PRKCH: variants seen among roughly 807,000 people sequenced by gnomAD.
The protein encoded by PRKCH is protein kinase C eta.
A neutral mutation model predicts 82.5 loss-of-function variants in PRKCH; 28 were observed. The ratio of observed to expected loss-of-function variants is 0.34; its 90% CI spans 0.25 to 0.47. PRKCH has a LOEUF of 0.47. Ranked by LOEUF, PRKCH falls within the 20% of genes least tolerant of loss-of-function variation. PRKCH has a pLI of 1.00. For synonymous variants in PRKCH, 322 were observed against 327.4 expected (o/e 0.98, Z 0.18); for missense variants, 705 against 881.8 (o/e 0.80, Z 2.54).
intron 1 of PRKCH, among the ~76,000 whole-genome samples, chr14:61,248,123 C>G (rs995543990): frequency 6.6e-6 from 1 of 151,940 alleles, no homozygotes; most frequent in East Asian, 1.9e-4. Context: ...GAGTTATATC[C>G]CCTGACCACA....
rs748549094 is a variant in PRKCH at position 61,322,205 on chromosome 14, A to G, written c.104A>G (p.Lys35Arg). 1 of 1,613,186 alleles carries G rather than the reference A, an allele frequency of 6.2e-7. No individual in the cohort carries two copies. The highest frequency in any genetic ancestry group is 8.5e-7 in the Non-Finnish European group (1 of 1,179,736). The change falls in exon 1 of 14, where the codon AAG (lysine) becomes AGG (arginine). Residue 35 changes from lysine to arginine, a missense_variant. Physicochemically the swap from Lys to Arg is conservative, Grantham distance 26. This residue lies in a region of PRKCH where 246 missense variants were observed against 308.0 expected (regional missense o/e 0.80). Transcript: ENST00000332981. The stretch of plus-strand genomic sequence containing the variant: ...TGGTCCCTGCGCCACTCGCTCTTCA[A>G]GAAGGGCCACCAGCTGCTGGACCCC... ...TRWSLRHSLF[K>R]KGHQLLDPYL... is the part of the protein sequence containing the mutation.
In PRKCH at chr14:61,440,944, A is replaced by T. The variant is rs896509762; in HGVS notation, c.428-2167A>T. 1.3e-4 allele frequency among the ~76,000 whole-genome samples: 20 copies of T among 151,392 alleles called. 1 individual carries two copies. The highest frequency in any genetic ancestry group is 4.6e-4 in the African/African-American group (19 of 41,326). ...TTTTTTCTTTTTTTTTTGGAGAGAA[A>T]GTCTTGCTCTGTTGCCCAGCTGAAG... On this transcript the variant is annotated intron_variant, in intron 2 of 13. Coordinates refer to ENST00000332981, the MANE Select transcript of PRKCH (RefSeq NM_006255.5).
intron 1 of PRKCH, among the ~76,000 whole-genome samples, chr14:61,243,478 A>G (rs1200746511): frequency 6.6e-6 from 1 of 152,184 alleles, no homozygotes; most frequent in Non-Finnish European, 1.5e-5. Context: ...TAACATGTGC[A>G]AAGAGCCTGA....
intron 1 of PRKCH, among the ~76,000 whole-genome samples, chr14:61,256,011 T>C (rs2044994738): frequency 6.6e-6 from 1 of 152,224 alleles, no homozygotes; most frequent in Non-Finnish European, 1.5e-5. Flanking sequence ...ACTGTCCTAG[T>C]GCATAAAGTT....
At chr14:61,505,645 G>T (rs1298068650) in intron 10 of PRKCH, among the ~76,000 whole-genome samples, 1 of 151,822 alleles carries the variant, frequency 6.6e-6, no homozygotes, top group Non-Finnish European at 1.5e-5. Context: ...AAAGTGCTGG[G>T]ATTAGGAGCA....
At chr14:61,455,383 C>T (rs2140293000) in intron 7 of PRKCH, among the ~76,000 whole-genome samples, 1 of 152,116 alleles carries the variant, frequency 6.6e-6, no homozygotes, top group East Asian at 1.9e-4. Context: ...ATGTTTTAAT[C>T]CTTATATTAG....
chr14:61,242,902 C>G (rs1323689565), intron 1 of PRKCH, among the ~76,000 whole-genome samples: 1 of 152,032 alleles, frequency 6.6e-6, no homozygotes, highest in Admixed American at 6.5e-5. Context: ...AGTCTATATG[C>G]CAGGCACTTT....
chr14:61,201,937 G>A (rs901727632), intron 1 of PRKCH, among the ~76,000 whole-genome samples: 1 of 152,096 alleles, frequency 6.6e-6, no homozygotes, highest in Non-Finnish European at 1.5e-5. Context: ...TATGGAGTGA[G>A]ATTTTTACTC....
chr14:61,204,753 C>G (rs895729674), intron 1 of PRKCH, among the ~76,000 whole-genome samples: 1 of 144,272 alleles, frequency 6.9e-6, no homozygotes, highest in African/African-American at 2.6e-5. Context: ...AGAGTGAGAC[C>G]CTTTCTCAAG....
intron 3 of PRKCH, 102 bp downstream of exon 3, chr14:61,443,363 T>C (rs1297933395): frequency 8.1e-7 from 1 of 1,228,568 alleles, no homozygotes; most frequent in Non-Finnish European, 1.1e-6. Flanking sequence ...TTAAGAATTC[T>C]TTCAGGATCT....
upstream of PRKCH, among the ~76,000 whole-genome samples, chr14:61,320,774 C>G (rs866935181): frequency 1.2e-4 from 18 of 152,210 alleles, no homozygotes; most frequent in African/African-American, 4.3e-4. Flanking sequence ...AGGCTGCCCA[C>G]TCTGACTGCA....
Position 61,365,034 on chromosome 14 carries a change from T to A in PRKCH, c.364-26191T>A, listed in dbSNP as rs563157627. 1.3e-4 allele frequency among the ~76,000 whole-genome samples: 20 copies of A among 152,090 alleles called. 1 individual carries two copies. The South Asian group carries it at 4.2e-3, about 32-fold the overall frequency. The stretch of plus-strand genomic sequence containing the variant: ...TTGAGGGAGTGGCCATGGGAATGGC[T>A]GAGAGAAGTGGCCTGGAAGTGAAGG... On this transcript the variant is annotated intron_variant, in intron 1 of 13. Transcript: ENST00000332981.
chr14:61,246,820 T>C (rs1053036002), intron 1 of PRKCH, among the ~76,000 whole-genome samples: 2 of 152,180 alleles, frequency 1.3e-5, no homozygotes, highest in Non-Finnish European at 2.9e-5. Flanking sequence ...ACTCCTGGGC[T>C]CAAGCAATCC....
At chr14:61,204,430 G>C (rs1451053377) in intron 1 of PRKCH, among the ~76,000 whole-genome samples, 1 of 152,146 alleles carries the variant, frequency 6.6e-6, no homozygotes, top group Admixed American at 6.6e-5. Flanking sequence ...AAAAGGGAAA[G>C]AGTAAGAGCA....
chr14:61,215,291 A>G (rs1436523819), intron 1 of PRKCH, among the ~76,000 whole-genome samples: 1 of 152,192 alleles, frequency 6.6e-6, no homozygotes, highest in East Asian at 1.9e-4. Flanking sequence ...GTCACATCCA[A>G]CTGACCAAAG....
chr14:61,249,282 TCTC>T (rs1169801567), intron 1 of PRKCH, among the ~76,000 whole-genome samples: 1 of 152,252 alleles, frequency 6.6e-6, no homozygotes, highest in South Asian at 2.1e-4. Context: ...TATAGTTGCT[TCTC>T]CTCTAACAAT....
At chr14:61,432,631 A>C (rs1009622602) in intron 2 of PRKCH, among the ~76,000 whole-genome samples, 37 of 152,150 alleles carry the variant, frequency 2.4e-4, no homozygotes, top group Admixed American at 2.0e-4. Context: ...CACTGCGCCC[A>C]GCAGTAACGC....
intron 1 of PRKCH, among the ~76,000 whole-genome samples, chr14:61,269,210 A>G (rs1019888427): frequency 8.5e-5 from 13 of 152,316 alleles, no homozygotes; most frequent in Admixed American, 6.5e-4. Context: ...TGTAGTAACC[A>G]CTAGAATCAT....
intron 9 of PRKCH, chr14:61,463,025 C>G (rs1020452926): frequency 2.6e-5 from 4 of 152,200 alleles, no homozygotes; most frequent in Non-Finnish European, 4.4e-5. Context: ...TGTCTTGGCT[C>G]CCCTCCAACC....
Sources: allele counts gnomAD v4.1 joint callset (sites outside exome capture counted in the v4.1 genomes callset), GRCh38; gene constraint gnomAD v4.1.1; regional missense constraint gnomAD v4.1.1; transcripts MANE v1.5; gene names NCBI Gene and HGNC (gene_info 2026-07-23, HGNC 2026-07-21).